GPHN: variants seen among roughly 807,000 people sequenced by gnomAD.
GPHN encodes gephyrin.
A neutral mutation model predicts 95.5 loss-of-function variants in GPHN; 17 were observed. The observed-to-expected ratio is 0.18, with a 90% confidence interval of 0.12 to 0.27. The LOEUF is 0.27. Ranked by LOEUF, GPHN falls within the 10% of genes least tolerant of loss-of-function variation. GPHN has a pLI of 1.00. For missense variants in GPHN, 660 were observed against 978.1 expected, an observed-to-expected ratio of 0.67 and a Z score of 4.34; for synonymous variants, 320 against 322.5, an observed-to-expected ratio of 0.99 and a Z score of 0.08.
intron 1 of GPHN, among the ~76,000 whole-genome samples, chr14:66,626,663 CAGTT>C (rs1299807977): frequency 1.3e-5 from 2 of 152,028 alleles, no homozygotes; most frequent in Non-Finnish European, 2.9e-5. Context: ...CTGGACCTCA[CAGTT>C]AGGTAATGAG....
At chr14:67,039,471 T>C (rs2074590542) in intron 10 of GPHN, among the ~76,000 whole-genome samples, 1 of 152,182 alleles carries the variant, frequency 6.6e-6, no homozygotes, top group Non-Finnish European at 1.5e-5. Flanking sequence ...AAAGACTGTG[T>C]AAGATAGGAA....
chr14:66,583,812 G>C (rs2061306589), intron 1 of GPHN, among the ~76,000 whole-genome samples: 1 of 152,128 alleles, frequency 6.6e-6, no homozygotes, highest in Non-Finnish European at 1.5e-5. Context: ...TTTGAAGTCA[G>C]GTAGCGTGAT....
intron 9 of GPHN, among the ~76,000 whole-genome samples, chr14:66,978,753 A>G (rs2070435951): frequency 6.6e-6 from 1 of 152,230 alleles, no homozygotes; most frequent in Non-Finnish European, 1.5e-5. Flanking sequence ...GGCATCTAAA[A>G]TAATGAATTA....
At chr14:66,798,109 A>T (rs1248188502) in intron 3 of GPHN, among the ~76,000 whole-genome samples, 1 of 151,904 alleles carries the variant, frequency 6.6e-6, no homozygotes, top group Admixed American at 6.6e-5. Context: ...CATTCTGTTG[A>T]TATGATGTAT....
At chr14:66,774,635 G>A (rs950164900) in intron 2 of GPHN, among the ~76,000 whole-genome samples, 2 of 152,126 alleles carry the variant, frequency 1.3e-5, no homozygotes, top group Admixed American at 6.5e-5. Context: ...TTCAGTCAGT[G>A]TGTGATTCTC....
chr14:66,539,612 TCAGG>T (rs10560022), intron 1 of GPHN, among the ~76,000 whole-genome samples: 49,637 of 151,466 alleles, frequency 0.33, 11,960 homozygotes, highest in African/African-American at 0.66. Flanking sequence ...CGGGTGTTGG[TCAGG>T]CTTCGTGTTG....
the GPHN span, chr14:67,677,273 T>C: frequency 1.3e-5 from 2 of 151,398 alleles, no homozygotes; most frequent in Admixed American, 1.3e-4. Flanking sequence ...TGCCCCAAAA[T>C]ATTATTAAAT....
chr14:67,160,984 T>G (rs767911396), intron 19 of GPHN, among the ~76,000 whole-genome samples: 1 of 152,192 alleles, frequency 6.6e-6, no homozygotes, highest in Non-Finnish European at 1.5e-5. Context: ...ATAGGGCCTT[T>G]TTATTATCGA....
At chr14:66,605,087 T>G (rs2062454464) in intron 1 of GPHN, among the ~76,000 whole-genome samples, 1 of 152,208 alleles carries the variant, frequency 6.6e-6, no homozygotes, top group African/African-American at 2.4e-5. Flanking sequence ...ACATTTGCTT[T>G]ATCGACTCTA....
intron 4 of GPHN, among the ~76,000 whole-genome samples, chr14:66,859,346 A>C (rs756452318): frequency 8.5e-5 from 13 of 152,154 alleles, no homozygotes; most frequent in Non-Finnish European, 1.6e-4. Flanking sequence ...AAAATAAGAG[A>C]AGAGAACAAG....
At chr14:66,604,296 T>G (rs2062404942) in intron 1 of GPHN, among the ~76,000 whole-genome samples, 1 of 152,168 alleles carries the variant, frequency 6.6e-6, no homozygotes, top group Non-Finnish European at 1.5e-5. Flanking sequence ...GCTTTTGTTT[T>G]TTTTCTTCTA....
chr14:67,445,971 C>T, the GPHN span: 2 of 476,710 alleles, frequency 4.2e-6, no homozygotes, highest in African/African-American at 2.0e-5. Context: ...GGAGTCTAGC[C>T]TGTAAGAAAC....
At chr14:67,167,035 C>T (rs1281364301) in intron 20 of GPHN, among the ~76,000 whole-genome samples, 2 of 152,132 alleles carry the variant, frequency 1.3e-5, no homozygotes, top group Non-Finnish European at 2.9e-5. Flanking sequence ...TAAAGCCATC[C>T]CTAATCTCGA....
intron 9 of GPHN, among the ~76,000 whole-genome samples, chr14:66,995,900 C>T (rs2071753381): frequency 1.3e-5 from 2 of 152,148 alleles, no homozygotes; most frequent in Admixed American, 6.5e-5. Flanking sequence ...TGCTTTCTTT[C>T]TTAAATGAGG....
At chr14:67,678,838 TA>T in the GPHN span, among the ~76,000 whole-genome samples, 145 of 145,098 alleles carry the variant, frequency 1.0e-3, no homozygotes, top group Non-Finnish European at 9.1e-4. Context: ...CCTGGAGTAG[TA>T]AAAAAAAAAA....
At chr14:67,362,719 C>T in the GPHN span, among the ~76,000 whole-genome samples, 1 of 151,874 alleles carries the variant, frequency 6.6e-6, no homozygotes, top group African/African-American at 2.4e-5. Context: ...CCTAGTGTGA[C>T]TTCGATATTG....
the GPHN span, chr14:67,208,129 A>G: frequency 1.3e-6 from 2 of 1,579,378 alleles, no homozygotes; most frequent in Non-Finnish European, 1.7e-6. Context: ...CCTGTATTCG[A>G]TACTGTTCCA....
At chr14:66,940,424 C>A (rs2067358901) in intron 8 of GPHN, among the ~76,000 whole-genome samples, 1 of 152,108 alleles carries the variant, frequency 6.6e-6, no homozygotes, top group Non-Finnish European at 1.5e-5. Flanking sequence ...AGGTGTTCCT[C>A]TTTCTTTCCT....
the GPHN span, among the ~76,000 whole-genome samples, chr14:67,604,475 G>A: frequency 1.3e-5 from 2 of 152,076 alleles, no homozygotes; most frequent in Non-Finnish European, 2.9e-5. Flanking sequence ...CAGGAAGATC[G>A]TTTGAGCTCA....
Sources: allele counts gnomAD v4.1 joint callset (sites outside exome capture counted in the v4.1 genomes callset), GRCh38; gene constraint gnomAD v4.1.1; transcripts MANE v1.5; gene names NCBI Gene and HGNC (gene_info 2026-07-23, HGNC 2026-07-21).